ADGRL3: variants seen among roughly 807,000 people sequenced by gnomAD.
ADGRL3 encodes the protein calcium-independent alpha-latrotoxin receptor 3.
A neutral mutation model predicts 153.5 loss-of-function variants in ADGRL3; 62 were observed. The ratio of observed to expected loss-of-function variants is 0.40; its 90% CI spans 0.33 to 0.50. ADGRL3 has a LOEUF of 0.50. Ranked by LOEUF, ADGRL3 falls within the 20% of genes least tolerant of loss-of-function variation. ADGRL3 has a pLI of 0.47. For missense variants in ADGRL3, 1,641 were observed against 1,859.4 expected (o/e 0.88, Z 2.16); for synonymous variants, 710 against 672.5 (o/e 1.06, Z -0.86).
chr4:61,548,973 G>A (rs1427173528), intron 4 of ADGRL3, among the ~76,000 whole-genome samples: 2 of 151,956 alleles, frequency 1.3e-5, no homozygotes. Context: ...CGATGAGGAT[G>A]GAGTGTTTTT....
At chr4:62,062,512 T>C (rs1177223022) in intron 25 of ADGRL3, among the ~76,000 whole-genome samples, 1 of 152,072 alleles carries the variant, frequency 6.6e-6, no homozygotes, top group Non-Finnish European at 1.5e-5. Flanking sequence ...TTTGCTTTCC[T>C]TTGTGACTTT....
intron 21 of ADGRL3, among the ~76,000 whole-genome samples, chr4:62,003,622 A>T (rs1305530624): frequency 1.3e-5 from 2 of 152,116 alleles, no homozygotes; most frequent in African/African-American, 4.8e-5. Context: ...GGATGGTTTG[A>T]ATATTTTTAA....
intron 4 of ADGRL3, among the ~76,000 whole-genome samples, chr4:61,544,553 A>G (rs1225400333): frequency 2.0e-5 from 3 of 152,224 alleles, no homozygotes; most frequent in Non-Finnish European, 4.4e-5. Flanking sequence ...AGACGTAATC[A>G]GAAAATTCTG....
At chr4:61,918,858 C>A (rs1413360816) in intron 13 of ADGRL3, among the ~76,000 whole-genome samples, 5 of 152,172 alleles carry the variant, frequency 3.3e-5, no homozygotes, top group African/African-American at 1.2e-4. Flanking sequence ...TTTCTGTGAA[C>A]CAAAATTGCT....
intron 5 of ADGRL3, 138 bp from the exon 6 acceptor site, chr4:61,676,688 A>G: frequency 1.6e-6 from 1 of 636,222 alleles, no homozygotes; most frequent in Non-Finnish European, 2.9e-6. Context: ...ATATTTTCTT[A>G]ATAGGCCTAA....
At chr4:61,921,953 T>TA (rs1244435452) in intron 13 of ADGRL3, among the ~76,000 whole-genome samples, 2 of 152,196 alleles carry the variant, frequency 1.3e-5, no homozygotes, top group Non-Finnish European at 2.9e-5. Flanking sequence ...CAGAACAACT[T>TA]ACCTCTTCAT....
chr4:61,988,937 A>T (rs1015958591), intron 19 of ADGRL3, among the ~76,000 whole-genome samples: 9 of 152,130 alleles, frequency 5.9e-5, no homozygotes, highest in Non-Finnish European at 1.3e-4. Context: ...AATAATTGAA[A>T]TCAAATTTTA....
chr4:61,458,376 A>G (rs552053252), intron 2 of ADGRL3, among the ~76,000 whole-genome samples: 1 of 151,500 alleles, frequency 6.6e-6, no homozygotes, highest in South Asian at 2.1e-4. Flanking sequence ...AAAAACAATA[A>G]TTTTTATTAA....
At chr4:61,329,034 GTGTGC>G (rs1560479885) in intron 1 of ADGRL3, among the ~76,000 whole-genome samples, 1 of 152,144 alleles carries the variant, frequency 6.6e-6, no homozygotes, top group African/African-American at 2.4e-5. Context: ...TGCTTTGGAT[GTGTGC>G]CATAAGGAAT....
intron 2 of ADGRL3, among the ~76,000 whole-genome samples, chr4:61,450,441 A>G (rs954196222): frequency 1.3e-5 from 2 of 152,140 alleles, no homozygotes; most frequent in Non-Finnish European, 2.9e-5. Flanking sequence ...TTACAGCACA[A>G]TTATAAGTAC....
chr4:61,403,023 C>T (rs2096949455), intron 2 of ADGRL3, among the ~76,000 whole-genome samples: 2 of 143,204 alleles, frequency 1.4e-5, no homozygotes, highest in South Asian at 4.7e-4. Context: ...ACATGGCTGC[C>T]TTCTCACTAT....
At chr4:61,685,663 C>G (rs957663720) in intron 6 of ADGRL3, among the ~76,000 whole-genome samples, 3 of 152,082 alleles carry the variant, frequency 2.0e-5, no homozygotes, top group African/African-American at 7.2e-5. Flanking sequence ...TGGCCAAAGT[C>G]CAGTTAGATG....
intron 4 of ADGRL3, among the ~76,000 whole-genome samples, chr4:61,576,767 C>T (rs1259351376): frequency 1.3e-5 from 2 of 151,498 alleles, no homozygotes; most frequent in African/African-American, 2.4e-5. Context: ...TTGCTACAAA[C>T]ATGCACTCCG....
intron 1 of ADGRL3, among the ~76,000 whole-genome samples, chr4:61,369,578 G>A (rs1453132585): frequency 6.4e-4 from 97 of 152,236 alleles, no homozygotes; most frequent in Admixed American, 1.6e-3. Context: ...CAGGGATGAA[G>A]CCCACTTGAT....
At chr4:61,308,321 G>C (rs1057456267) in intron 1 of ADGRL3, among the ~76,000 whole-genome samples, 4 of 152,160 alleles carry the variant, frequency 2.6e-5, no homozygotes, top group South Asian at 4.1e-4. Flanking sequence ...AGAATGGAAG[G>C]GTTGCTGGAA....
At chr4:61,411,428 G>C (rs953259846) in intron 2 of ADGRL3, among the ~76,000 whole-genome samples, 1 of 152,136 alleles carries the variant, frequency 6.6e-6, no homozygotes, top group Admixed American at 6.6e-5. Context: ...GGAGGCAAGT[G>C]ATGTCAGCAA....
intron 8 of ADGRL3, among the ~76,000 whole-genome samples, chr4:61,757,890 T>C (rs1024960857): frequency 6.6e-6 from 1 of 152,226 alleles, no homozygotes; most frequent in Non-Finnish European, 1.5e-5. Context: ...CCAGTAGTCA[T>C]TCAGGAGCAG....
intron 8 of ADGRL3, among the ~76,000 whole-genome samples, chr4:61,768,090 A>G (rs916229229): frequency 6.6e-6 from 1 of 152,050 alleles, no homozygotes; most frequent in African/African-American, 2.4e-5. Context: ...ACTGGGCTGG[A>G]TTTTTATATT....
intron 1 of ADGRL3, among the ~76,000 whole-genome samples, chr4:61,303,146 C>T (rs541786988): frequency 6.6e-6 from 1 of 152,244 alleles, no homozygotes; most frequent in South Asian, 2.1e-4. Flanking sequence ...ACACACCAAA[C>T]ATTTGCTTTT....
Sources: gnomAD v4.1 joint callset for allele counts (sites outside exome capture counted in the v4.1 genomes callset) on GRCh38, gnomAD v4.1.1 for gene constraint, MANE v1.5 for transcripts, NCBI Gene and HGNC (gene_info 2026-07-23, HGNC 2026-07-21) for gene names.